The following NEK9 variants were observed in gnomAD, a reference collection of about 807,000 sequenced individuals.
NEK9 encodes the protein serine/threonine-protein kinase Nek9.
Under a neutral mutation model 123.4 loss-of-function variants are expected in NEK9, and 75 were observed. The ratio of observed to expected loss-of-function variants is 0.61; its 90% CI spans 0.50 to 0.74. The LOEUF (loss-of-function observed/expected upper bound fraction) is 0.74. NEK9 is among the 30% of genes least tolerant of loss of function. The pLI, the probability that NEK9 is intolerant of heterozygous loss-of-function variation, is 0.00. For synonymous variants in NEK9, 438 were observed against 458.7 expected (o/e 0.95, Z 0.58); for missense variants, 952 against 1,214.4 (o/e 0.78, Z 3.21).
At chr14:75,115,158 C>G (rs1895099916) in intron 6 of NEK9, among the ~76,000 whole-genome samples, 1 of 151,246 alleles carries the variant, frequency 6.6e-6, no homozygotes, top group Non-Finnish European at 1.5e-5. Flanking sequence ...CTCTGTCACC[C>G]AGGCTGGAGT....
intron 21 of NEK9, chr14:75,086,743 TA>T: frequency 2.8e-6 from 1 of 362,930 alleles, no homozygotes; most frequent in Non-Finnish European, 5.4e-6. Context: ...CTGTCTCTAC[TA>T]AAAATACCAA....
intron 13 of NEK9, among the ~76,000 whole-genome samples, chr14:75,105,054 A>G (rs1444342291): frequency 1.3e-5 from 2 of 152,178 alleles, no homozygotes; most frequent in East Asian, 3.9e-4. Context: ...GTACTGAGGT[A>G]ATATCTAGGA....
At chr14:75,102,529 T>C (rs1265948501) in intron 14 of NEK9, among the ~76,000 whole-genome samples, 1 of 151,168 alleles carries the variant, frequency 6.6e-6, no homozygotes, top group Non-Finnish European at 1.5e-5. Flanking sequence ...TTTTTTGGTA[T>C]TTTTAGTGGA....
intron 14 of NEK9, 37 bp from the exon 15 acceptor site, chr14:75,101,802 T>A: frequency 6.8e-7 from 1 of 1,460,650 alleles, no homozygotes; most frequent in South Asian, 1.2e-5. Context: ...ATGCATGAGG[T>A]AAGAAAATCG....
intron 18 of NEK9, among the ~76,000 whole-genome samples, chr14:75,093,602 C>T (rs1203863808): frequency 6.6e-6 from 1 of 152,078 alleles, no homozygotes; most frequent in African/African-American, 2.4e-5. Context: ...TACAGGTGTG[C>T]ACCACCATGC....
intron 4 of NEK9, among the ~76,000 whole-genome samples, chr14:75,120,099 T>C (rs1014557414): frequency 3.9e-5 from 6 of 152,212 alleles, no homozygotes; most frequent in African/African-American, 9.6e-5. Context: ...TCTGGTAAAT[T>C]TGTACAAGTA....
At position 75,105,989 on chromosome 14, in the gene NEK9, C is replaced by T. The variant is rs762510253; in HGVS notation, c.1536G>A (p.Leu512=). 2 of 1,613,390 alleles carry T rather than the reference C, an allele frequency of 1.2e-6. No homozygotes were observed. Among genetic ancestry groups the T allele is most frequent in the South Asian group, 2.2e-5 (2 of 91,056 alleles). ...YSWGCGEYGR[L]GLDSEEDYYT... is the part of the protein sequence containing the mutation. ...AATAATCCTCTTCTGAATCCAAACC[C>T]AGTCGTCCTGAAACACACATAAGAA... The change falls in exon 13 of 22, where the codon CTG becomes CTA. Residue 512 remains leucine (L), a synonymous_variant. Coordinates refer to ENST00000238616, the MANE Select transcript of NEK9 (RefSeq NM_033116.6).
chr14:75,108,611 G>A lies in NEK9; in HGVS notation c.1182+1074C>T, dbSNP rs898532689. Among the ~76,000 whole-genome samples the A allele has an allele frequency of 2.5e-4, 38 of 151,730 alleles. 1 individual carries two copies. The highest frequency in any genetic ancestry group is 2.2e-3 in the Admixed American group (34 of 15,206). On this transcript the variant is annotated intron_variant, in intron 10 of 21. Transcript: ENST00000238616. ...GCTCTGTCACTCAGGCTGCAGTGCA[G>A]TGGTGCAATCTTGGTTCATTGCAAT...
At chr14:75,097,050 G>A (rs772450579) in intron 17 of NEK9, 50 bp downstream of exon 17, 22 of 1,533,598 alleles carry the variant, frequency 1.4e-5, no homozygotes, top group Admixed American at 1.9e-5. Context: ...TCAGATGTGG[G>A]TCCATCCTCT....
chr14:75,116,127 AT>A (rs1469500987), intron 6 of NEK9, among the ~76,000 whole-genome samples: 1 of 152,224 alleles, frequency 6.6e-6, no homozygotes, highest in Admixed American at 6.5e-5. Flanking sequence ...ACAAGATAGA[AT>A]AAAGGCACAA....
chr14:75,088,408 G>T, intron 20 of NEK9, 72 bp downstream of exon 20: 1 of 1,496,226 alleles, frequency 6.7e-7, no homozygotes, highest in Non-Finnish European at 9.2e-7. Context: ...CTAGAGCGAG[G>T]CCAGAAGAAC....
intron 16 of NEK9, among the ~76,000 whole-genome samples, chr14:75,098,826 C>G (rs1049534258): frequency 6.6e-6 from 1 of 152,206 alleles, no homozygotes; most frequent in Non-Finnish European, 1.5e-5. Context: ...ATGAACTACA[C>G]AGATCTATTC....
rs1481762532 is a variant in NEK9, at chr14:75,080,405, A to G, written c.*4159T>C. On this transcript the variant is annotated 3_prime_UTR_variant, in exon 22 of 22. Transcript: ENST00000238616. The stretch of plus-strand genomic sequence containing the variant: ...ATCTTGATCTGGTCTCTGGGAAGAG[A>G]TAAGAACCTTTTTTTAAAAAAATCT... The G allele has an allele frequency of 2.0e-5, 3 of 151,920 alleles. No individual in the cohort carries two copies. Among genetic ancestry groups the G allele is most frequent in the African/African-American group, 7.3e-5 (3 of 41,358 alleles). The allele number at this position is 151,920 out of a possible 1,614,324, so 9.4% of individuals were successfully genotyped here. A position where few individuals can be genotyped will look rare whatever the true frequency, so the allele number is the denominator to read the frequency against.
At chr14:75,120,413 G>C in intron 4 of NEK9, 97 bp downstream of exon 4, 1 of 767,066 alleles carries the variant, frequency 1.3e-6, no homozygotes, top group Non-Finnish European at 2.2e-6. Flanking sequence ...ACTCTTGGCT[G>C]CTTAACCAAG....
intron 6 of NEK9, 125 bp downstream of exon 6, chr14:75,117,070 C>T (rs948306651): frequency 1.8e-6 from 2 of 1,124,482 alleles, no homozygotes; most frequent in African/African-American, 3.2e-5. Flanking sequence ...GATTACTAAT[C>T]TTGTACCTGA....
intron 19 of NEK9, among the ~76,000 whole-genome samples, chr14:75,090,607 G>A (rs565712964): frequency 2.0e-5 from 3 of 151,274 alleles, no homozygotes; most frequent in Non-Finnish European, 4.4e-5. Flanking sequence ...TGTCACCCAG[G>A]CTGGATTGCA....
intron 21 of NEK9, chr14:75,084,905 A>T: frequency 2.1e-6 from 1 of 479,688 alleles, no homozygotes; most frequent in Non-Finnish European, 3.7e-6. Context: ...AGGTTTGTCC[A>T]GGACTGCGGG....
At chr14:75,088,202 T>C (rs1054981556) in intron 20 of NEK9, among the ~76,000 whole-genome samples, 4 of 152,216 alleles carry the variant, frequency 2.6e-5, no homozygotes, top group Admixed American at 2.0e-4. Context: ...GCCAGTGTCA[T>C]GAAAAACTGA....
At chr14:75,092,252 G>A (rs1050573086) in intron 18 of NEK9, among the ~76,000 whole-genome samples, 7 of 146,262 alleles carry the variant, frequency 4.8e-5, no homozygotes, top group African/African-American at 1.5e-4. Context: ...GATTACAGGC[G>A]TGAGCCACTG....
Sources: gnomAD v4.1 joint callset for allele counts (sites outside exome capture counted in the v4.1 genomes callset) on GRCh38, gnomAD v4.1.1 for gene constraint, MANE v1.5 for transcripts, NCBI Gene and HGNC (gene_info 2026-07-23, HGNC 2026-07-21) for gene names.